Variants in MYO16 observed in about 807,000 individuals in gnomAD.
MYO16 encodes myosin XVI.
A neutral mutation model predicts 205.3 loss-of-function variants in MYO16; 94 were observed. The observed-to-expected ratio is 0.46, with a 90% CI of 0.39 to 0.54. MYO16 has a LOEUF of 0.54. Among genes scored for constraint, MYO16 ranks in the 20% least tolerant of loss-of-function variants. The probability of loss-of-function intolerance (pLI) is 0.00; values close to 1 mark genes in which losing one functional copy is unlikely to be tolerated. For missense variants in MYO16, 2,315 were observed against 2,387.5 expected (o/e 0.97, Z 0.63); for synonymous variants, 988 against 954.0 (o/e 1.04, Z -0.66).
At chr13:109,124,323 C>T (rs1462305270) in intron 29 of MYO16, among the ~76,000 whole-genome samples, 1 of 152,112 alleles carries the variant, frequency 6.6e-6, no homozygotes, top group African/African-American at 2.4e-5. Context: ...CATATGAGCC[C>T]GGGCTCTACT....
chr13:109,190,810 GT>G (rs1466361303), intron 34 of MYO16, among the ~76,000 whole-genome samples: 1 of 152,096 alleles, frequency 6.6e-6, no homozygotes, highest in Non-Finnish European at 1.5e-5. Context: ...AATATGCAAG[GT>G]TTGTAACTCC....
chr13:108,598,122 T>G (rs1878629004), intron 1 of MYO16, among the ~76,000 whole-genome samples: 1 of 152,172 alleles, frequency 6.6e-6, no homozygotes, highest in African/African-American at 2.4e-5. Flanking sequence ...GGGGCAGAGA[T>G]CAATATCAGC....
At chr13:109,100,689 C>A in intron 27 of MYO16, 96 bp from the exon 28 acceptor site, 1 of 949,344 alleles carries the variant, frequency 1.1e-6, no homozygotes, top group South Asian at 1.6e-5. Flanking sequence ...GACGGGGAAA[C>A]TTTTGGGAAA....
intron 16 of MYO16, among the ~76,000 whole-genome samples, chr13:108,925,142 G>A (rs1209262325): frequency 3.3e-5 from 5 of 152,056 alleles, no homozygotes; most frequent in African/African-American, 1.2e-4. Flanking sequence ...AGTGACTTGG[G>A]TGTCCTTGAT....
intron 5 of MYO16, among the ~76,000 whole-genome samples, chr13:108,790,139 C>T (rs149188491): frequency 2.8e-4 from 43 of 152,274 alleles, no homozygotes; most frequent in African/African-American, 9.9e-4. Flanking sequence ...CGGGAGAGCG[C>T]GCAGCTGTGC....
At chr13:108,829,389 CT>C (rs1473620225) in intron 9 of MYO16, among the ~76,000 whole-genome samples, 4 of 152,222 alleles carry the variant, frequency 2.6e-5, no homozygotes, top group Non-Finnish European at 5.9e-5. Context: ...AGAAGAATGG[CT>C]TTGTAGCTGT....
intron 4 of MYO16, among the ~76,000 whole-genome samples, chr13:108,733,924 G>A (rs1218717466): frequency 2.0e-5 from 3 of 152,158 alleles, no homozygotes; most frequent in African/African-American, 4.8e-5. Context: ...AGCCGAGATC[G>A]CGCCATTGCA....
chr13:108,861,880 A>G (rs1391504353), intron 11 of MYO16, among the ~76,000 whole-genome samples: 1 of 151,766 alleles, frequency 6.6e-6, no homozygotes, highest in East Asian at 1.9e-4. Flanking sequence ...ATTTTCTTCC[A>G]GTTTATGGCT....
chr13:108,732,773 G>A (rs552252228), intron 4 of MYO16, among the ~76,000 whole-genome samples: 1 of 152,202 alleles, frequency 6.6e-6, no homozygotes, highest in Non-Finnish European at 1.5e-5. Flanking sequence ...GAAGAACAGG[G>A]AACATTTAGG....
intron 27 of MYO16, chr13:109,065,554 A>T (rs1259482884): frequency 6.4e-6 from 3 of 469,638 alleles, no homozygotes; most frequent in East Asian, 5.8e-5. Context: ...AAGAAAATTT[A>T]AAAAACTGCT....
At chr13:108,936,964 GTT>G (rs1260820971) in intron 16 of MYO16, among the ~76,000 whole-genome samples, 1 of 152,044 alleles carries the variant, frequency 6.6e-6, no homozygotes, top group African/African-American at 2.4e-5. Context: ...ACTTAAGTGT[GTT>G]TTTTTGGTAT....
chr13:108,774,568 G>A (rs16973088), intron 4 of MYO16, among the ~76,000 whole-genome samples: 3,034 of 150,808 alleles, frequency 0.02, 93 homozygotes, highest in African/African-American at 0.07. Flanking sequence ...TTTTTTTTTC[G>A]GAGCCAAACT....
Position 108,890,009 on chromosome 13 carries a change from G to A in MYO16, c.1659+1532G>A, listed in dbSNP as rs376183314. On this transcript the variant is annotated intron_variant, in intron 14 of 34. Coordinates refer to ENST00000457511, the MANE Select transcript of MYO16 (RefSeq NM_001198950.3). ...TACAGTGATACGATCACCATTCACCGCAGCCTCAACTTCCTGGGCTCAAGT... is the reference window on the plus strand; with the variant it reads ...TACAGTGATACGATCACCATTCACCACAGCCTCAACTTCCTGGGCTCAAGT... 9.9e-5 allele frequency among the ~76,000 whole-genome samples: 15 copies of A among 151,876 alleles called. No homozygotes were observed. In the South Asian group the frequency reaches 1.0e-3, roughly 11 times the overall value.
At chr13:109,121,957 C>G (rs574454268) in intron 29 of MYO16, among the ~76,000 whole-genome samples, 10 of 152,238 alleles carry the variant, frequency 6.6e-5, no homozygotes, top group Admixed American at 4.6e-4. Context: ...CAACCTTCAT[C>G]AGTGCAGGGG....
intron 16 of MYO16, among the ~76,000 whole-genome samples, chr13:108,930,559 T>A (rs913819225): frequency 6.6e-6 from 1 of 152,182 alleles, no homozygotes; most frequent in Non-Finnish European, 1.5e-5. Flanking sequence ...AAAAGGATGA[T>A]AAACGTCACT....
At chr13:109,079,908 C>T (rs1316549142) in intron 27 of MYO16, among the ~76,000 whole-genome samples, 1 of 143,190 alleles carries the variant, frequency 7.0e-6, no homozygotes, top group Non-Finnish European at 1.5e-5. Flanking sequence ...TGGAGTCTCA[C>T]TCTGTCACCC....
At chr13:109,151,970 G>A (rs7332168) in intron 32 of MYO16, among the ~76,000 whole-genome samples, 28,509 of 152,098 alleles carry the variant, frequency 0.19, 2,792 homozygotes, top group African/African-American at 0.24. Flanking sequence ...ACAGCAGGAT[G>A]GAGGGGACAT....
At chr13:108,660,959 T>C (rs1881476340) in intron 1 of MYO16, among the ~76,000 whole-genome samples, 1 of 152,218 alleles carries the variant, frequency 6.6e-6, no homozygotes, top group South Asian at 2.1e-4. Context: ...CTTTTAGCAG[T>C]TCTTACAGTG....
At chr13:109,003,611 G>A (rs918587904) in intron 21 of MYO16, among the ~76,000 whole-genome samples, 7 of 152,146 alleles carry the variant, frequency 4.6e-5, no homozygotes, top group Admixed American at 2.0e-4. Context: ...GCTTCTTCCC[G>A]TCCTTGTGTT....
Sources: allele counts gnomAD v4.1 joint callset (sites outside exome capture counted in the v4.1 genomes callset), GRCh38; gene constraint gnomAD v4.1.1; transcripts MANE v1.5; gene names NCBI Gene and HGNC (gene_info 2026-07-23, HGNC 2026-07-21).